VWA5A: variants seen among roughly 807,000 people sequenced by gnomAD.
VWA5A encodes von Willebrand factor A domain containing 5A.
Under a neutral mutation model 84.6 loss-of-function variants are expected in VWA5A, and 77 were observed. The ratio of observed to expected loss-of-function variants is 0.91; its 90% CI spans 0.76 to 1.10. The LOEUF is 1.10. Ranked by LOEUF, VWA5A falls within the 50% of genes least tolerant of loss-of-function variation. VWA5A has a pLI of 0.00. For missense variants in VWA5A, 973 were observed against 963.0 expected, an observed-to-expected ratio of 1.01 and a Z score of -0.14; for synonymous variants, 334 against 350.1, an observed-to-expected ratio of 0.95 and a Z score of 0.51.
intron 11 of VWA5A, among the ~76,000 whole-genome samples, chr11:124,127,086 G>A (rs1040745084): frequency 6.6e-6 from 1 of 152,086 alleles, no homozygotes; most frequent in Admixed American, 6.5e-5. Flanking sequence ...TTGTTACATA[G>A]GTATACATGT....
intron 10 of VWA5A, among the ~76,000 whole-genome samples, 184 bp downstream of exon 10, chr11:124,123,988 T>C (rs548806645): frequency 2.5e-4 from 38 of 152,224 alleles, no homozygotes; most frequent in African/African-American, 7.2e-4. Context: ...CGATGGACAC[T>C]GGAAGGCCTT....
rs528163511 is a variant in VWA5A, at chr11:124,137,091, G to A, written c.1702G>A (p.Asp568Asn). Residue 568 changes from aspartate (D) to asparagine (N), a missense_variant, in exon 15 of 19, where the codon GAT (aspartate) becomes AAT (asparagine). Coordinates refer to ENST00000456829, the MANE Select transcript of VWA5A (RefSeq NM_001130142.2). ...GGGCCTCAGGGAGACTCCAGCAAGT[G>A]ATAAAAAAGATGCATTGAACCTTAG... ...DMGLRETPAS[D>N]KKDALNLSLE... The A allele has an allele frequency of 4.3e-6, 7 of 1,613,552 alleles. No homozygotes were observed. The highest frequency in any genetic ancestry group is 1.3e-5 in the African/African-American group (1 of 74,826).
chr11:124,132,640 A>G (rs1565619124), intron 11 of VWA5A, among the ~76,000 whole-genome samples: 2 of 152,080 alleles, frequency 1.3e-5, no homozygotes, highest in African/African-American at 4.8e-5. Context: ...TTTTCTATTA[A>G]TATTTCTTTC....
Position 124,146,057 on chromosome 11 carries a change from T to A in VWA5A, c.*112T>A. ...TATTATAACTCTTTATTTTTTGCCA[T>A]AAAAGTAAAGGATGCTTACTCCACT... is the stretch of plus-strand genomic sequence containing the variant. On this transcript the variant is annotated 3_prime_UTR_variant, in exon 19 of 19. Coordinates refer to ENST00000456829, the MANE Select transcript of VWA5A (RefSeq NM_001130142.2). 1 of 1,181,122 alleles carries A rather than the reference T, an allele frequency of 8.5e-7. No individual in the cohort carries two copies. The highest frequency in any genetic ancestry group is 1.2e-6 in the Non-Finnish European group (1 of 850,024). 73.2% of individuals were successfully genotyped at this position (1,181,122 alleles called of 1,614,324 possible).
In VWA5A at chr11:124,122,979, A is replaced by C; in HGVS notation, c.780A>C (p.Pro260=). The C allele has an allele frequency of 6.2e-7, 1 of 1,613,788 alleles. No individual in the cohort carries two copies. Among genetic ancestry groups the C allele is most frequent in the Non-Finnish European group, 8.5e-7 (1 of 1,179,980 alleles). Residue 260 remains proline (P), a synonymous_variant, in exon 8 of 19, where the codon CCA becomes CCC. Transcript: ENST00000456829. The part of the protein sequence containing the change: ...NMKPGHLMGD[P]SAMVSFYPNI... ...GAACAGGTCATTTGATGGGAGATCCATCTGCAATGGTGAGTTTCTATCCAA... is the reference window on the plus strand; with the variant it reads ...GAACAGGTCATTTGATGGGAGATCCCTCTGCAATGGTGAGTTTCTATCCAA...
chr11:124,124,602 G>T lies in VWA5A; in HGVS notation c.1244+286G>T, dbSNP rs565539408. The T allele has an allele frequency of 8.1e-6, 9 of 1,105,324 alleles. No individual in the cohort carries two copies. In the Admixed American group the frequency reaches 1.9e-4, roughly 24 times the overall value. 68.5% of individuals were successfully genotyped at this position (1,105,324 alleles called of 1,614,324 possible). ...TTTTACTATAAACATTTTTAGAGAA[G>T]TAAAACATGCTGAAAACTACACAAA... On this transcript the variant is annotated intron_variant, in intron 11 of 18. Coordinates refer to ENST00000456829, the MANE Select transcript of VWA5A (RefSeq NM_001130142.2).
rs1442930369 is a variant in VWA5A, at chr11:124,146,701, G to C, written c.*756G>C. 6.6e-6 allele frequency: 1 copy of C among 152,174 alleles called. No homozygotes were observed. Among genetic ancestry groups the C allele is most frequent in the Non-Finnish European group, 1.5e-5 (1 of 68,086 alleles). The allele number at this position is 152,174 out of a possible 1,614,324, so 9.4% of individuals were successfully genotyped here. ...CTAAGTCAGGCCCTGATCTAGTGCA[G>C]TAAAGGGAAGGGTGGGCTTAATGGG... On this transcript the variant is annotated 3_prime_UTR_variant, in exon 19 of 19. Coordinates refer to ENST00000456829, the MANE Select transcript of VWA5A (RefSeq NM_001130142.2).
Position 124,117,715 on chromosome 11 carries a change from T to C in VWA5A, c.86T>C (p.Phe29Ser). Residue 29 changes from phenylalanine to serine, a missense_variant, in exon 4 of 19, where the codon TTT becomes TCT. Coordinates refer to ENST00000456829, the MANE Select transcript of VWA5A (RefSeq NM_001130142.2). ...TCTGTGAGCGTGAACATTTACGAGTTTGTGGCTGGTGTGTCTGCAACTTTG... is the reference window on the plus strand; with the variant it reads ...TCTGTGAGCGTGAACATTTACGAGTCTGTGGCTGGTGTGTCTGCAACTTTG... ...SISVSVNIYE[F>S]VAGVSATLNY... 6.2e-7 allele frequency: 1 copy of C among 1,614,164 alleles called. No homozygotes were observed. Among genetic ancestry groups the C allele is most frequent in the East Asian group, 2.2e-5 (1 of 44,870 alleles).
chr11:124,140,594 G>A (rs1860707887), intron 15 of VWA5A, among the ~76,000 whole-genome samples: 1 of 151,972 alleles, frequency 6.6e-6, no homozygotes, highest in South Asian at 2.1e-4. Flanking sequence ...CTCCTGAGTA[G>A]GTAGGACTCT....
At chr11:124,143,286 C>A (rs749016596) in intron 17 of VWA5A, among the ~76,000 whole-genome samples, 1 of 152,194 alleles carries the variant, frequency 6.6e-6, no homozygotes, top group African/African-American at 2.4e-5. Context: ...AATCTTCTAA[C>A]GCTCATTGAG....
At chr11:124,136,392 A>T in intron 13 of VWA5A, 99 bp downstream of exon 13, 1 of 1,519,362 alleles carries the variant, frequency 6.6e-7, no homozygotes. Flanking sequence ...CAGAGACGGC[A>T]CTTGCCAAGT....
In VWA5A at chr11:124,141,734, C is replaced by G. The variant is rs1210802899; in HGVS notation, c.2016C>G (p.His672Gln). The change falls in exon 16 of 19, where the codon CAC becomes CAG. Residue 672 changes from histidine (H) to glutamine (Q), a missense_variant. Transcript: ENST00000456829. ...GGTTGATAAGTCACAAGGACCAGCA[C>G]AGTCCAGGTGAGTACCTTTATAGGA... Reference protein sequence around the residue: ...LCGLISHKDQHSPGFGENHLV... With the variant: ...LCGLISHKDQQSPGFGENHLV... 1.9e-6 allele frequency: 3 copies of G among 1,614,166 alleles called. No individual in the cohort carries two copies. The East Asian group carries it at 6.7e-5, about 36-fold the overall frequency.
At chr11:124,125,939 G>A (rs953927001) in intron 11 of VWA5A, among the ~76,000 whole-genome samples, 5 of 152,164 alleles carry the variant, frequency 3.3e-5, no homozygotes, top group Non-Finnish European at 5.9e-5. Context: ...CCAAAGTTTC[G>A]TATTTTTGTA....
At chr11:124,117,239 A>G in intron 2 of VWA5A, 1 of 542,672 alleles carries the variant, frequency 1.8e-6, no homozygotes, top group Admixed American at 3.3e-5. Flanking sequence ...TTGGTATTTG[A>G]ACCAGCCTCA....
intron 11 of VWA5A, among the ~76,000 whole-genome samples, chr11:124,127,270 G>A (rs1045510077): frequency 1.3e-5 from 2 of 150,782 alleles, no homozygotes; most frequent in Admixed American, 1.3e-4. Flanking sequence ...TGCAGTGTTT[G>A]GTTTTCTGTT....
intron 4 of VWA5A, 22 bp downstream of exon 4, chr11:124,117,897 C>T (rs2137624534): frequency 6.2e-7 from 1 of 1,612,104 alleles, no homozygotes; most frequent in East Asian, 2.2e-5. Context: ...TACCTCCTCC[C>T]TTCTTATTAC....
In VWA5A at chr11:124,136,151, C is replaced by T. The variant is rs372252877; in HGVS notation, c.1382C>T (p.Ser461Phe). The change falls in exon 13 of 19, where the codon TCT becomes TTT. Residue 461 changes from serine (S) to phenylalanine (F), a missense_variant. By Grantham distance (155) the Ser-to-Phe change is radical (BLOSUM62 -2). Transcript: ENST00000456829. ...TAGGCTCTCAGGACTCTGAAACGCT[C>T]TCTGCAGCCTGTGGTAGAGGATGTC... Reference protein sequence around the residue: ...QSKALRTLKRSLQPVVEDVSL... With the variant: ...QSKALRTLKRFLQPVVEDVSL... The T allele has an allele frequency of 1.4e-5, 23 of 1,614,024 alleles. No individual in the cohort carries two copies. The African/African-American group carries it at 3.1e-4, about 22-fold the overall frequency.
At chr11:124,118,785 C>A (rs1396519306) in intron 6 of VWA5A, 77 bp downstream of exon 6, 7 of 1,529,730 alleles carry the variant, frequency 4.6e-6, no homozygotes, top group Non-Finnish European at 6.2e-6. Flanking sequence ...CCAGTTCTTC[C>A]CAAGTGGTAA....
At chr11:124,127,739 T>C (rs1865040668) in intron 11 of VWA5A, among the ~76,000 whole-genome samples, 2 of 152,192 alleles carry the variant, frequency 1.3e-5, no homozygotes, top group South Asian at 4.1e-4. Context: ...CTCATTGTGG[T>C]TTTGATTTGC....
Sources: allele counts gnomAD v4.1 joint callset (sites outside exome capture counted in the v4.1 genomes callset), GRCh38; gene constraint gnomAD v4.1.1; transcripts MANE v1.5; gene names NCBI Gene and HGNC (gene_info 2026-07-23, HGNC 2026-07-21).